The following PCCA variants were observed in gnomAD, a reference collection of about 807,000 sequenced individuals.
PCCA encodes propionyl-CoA carboxylase subunit alpha.
PCCA carries 74 observed loss-of-function variants against 101.3 expected under a neutral mutation model. The ratio of observed to expected loss-of-function variants is 0.73; its 90% CI spans 0.61 to 0.89. The LOEUF (loss-of-function observed/expected upper bound fraction) is 0.89, where lower values mean the gene tolerates loss of function less well. Ranked by LOEUF, PCCA falls within the 40% of genes least tolerant of loss-of-function variation. PCCA has a pLI of 0.00. For missense variants in PCCA, 891 were observed against 907.0 expected (o/e 0.98, Z 0.23); for synonymous variants, 294 against 313.6 (o/e 0.94, Z 0.66).
chr13:100,161,706 C>T (rs995852923), intron 6 of PCCA: 3 of 152,004 alleles, frequency 2.0e-5, no homozygotes, highest in Admixed American at 2.0e-4. Flanking sequence ...TTAGACCTTG[C>T]AAGCCCAGGG....
intron 6 of PCCA, among the ~76,000 whole-genome samples, chr13:100,203,596 G>C (rs897616337): frequency 5.3e-5 from 8 of 152,174 alleles, no homozygotes; most frequent in Admixed American, 3.3e-4. Flanking sequence ...TGGAGGCTGA[G>C]GCAGGAGAAT....
At chr13:100,456,315 T>C (rs1364073174) in intron 21 of PCCA, among the ~76,000 whole-genome samples, 2 of 152,276 alleles carry the variant, frequency 1.3e-5, no homozygotes, top group Non-Finnish European at 2.9e-5. Context: ...TATATGTCAT[T>C]TGGCTTTTCA....
intron 4 of PCCA, among the ~76,000 whole-genome samples, chr13:100,152,885 T>C (rs950556948): frequency 1.6e-4 from 25 of 152,332 alleles, no homozygotes; most frequent in African/African-American, 5.5e-4. Flanking sequence ...AAAATGTCAA[T>C]ACTATTAGGA....
chr13:100,134,525 TG>T (rs2050912275), intron 4 of PCCA, among the ~76,000 whole-genome samples: 1 of 152,210 alleles, frequency 6.6e-6, no homozygotes, highest in African/African-American at 2.4e-5. Flanking sequence ...TCCATGAACA[TG>T]GCATGTCTCT....
intron 1 of PCCA, among the ~76,000 whole-genome samples, chr13:100,095,882 A>C (rs1424536170): frequency 6.6e-6 from 1 of 151,852 alleles, no homozygotes; most frequent in Non-Finnish European, 1.5e-5. Context: ...GTTTGTGACT[A>C]GTACGTAGCG....
At chr13:100,215,067 G>T (rs1594767046) in intron 7 of PCCA, among the ~76,000 whole-genome samples, 1 of 152,132 alleles carries the variant, frequency 6.6e-6, no homozygotes, top group South Asian at 2.1e-4. Context: ...TCAGATTCTT[G>T]AAACTTATGT....
At chr13:100,249,652 T>C (rs530592090) in intron 8 of PCCA, among the ~76,000 whole-genome samples, 91 of 152,348 alleles carry the variant, frequency 6.0e-4, no homozygotes, top group Non-Finnish European at 1.1e-3. Context: ...GTTCAACCTA[T>C]AGATCACGTT....
chr13:100,115,164 C>T (rs904849672), intron 4 of PCCA, among the ~76,000 whole-genome samples: 2 of 151,926 alleles, frequency 1.3e-5, no homozygotes, highest in Admixed American at 1.3e-4. Context: ...TGAAATAAGC[C>T]AGGCACAGAA....
intron 9 of PCCA, among the ~76,000 whole-genome samples, chr13:100,260,992 G>T (rs182706389): frequency 1.6e-3 from 237 of 151,944 alleles, no homozygotes; most frequent in Admixed American, 3.1e-3. Flanking sequence ...TCAGATAGTT[G>T]TTTTTTATAT....
chr13:100,166,082 C>G (rs1341383843), intron 6 of PCCA, among the ~76,000 whole-genome samples: 1 of 152,206 alleles, frequency 6.6e-6, no homozygotes, highest in Non-Finnish European at 1.5e-5. Context: ...TATCCTTCAA[C>G]TCCAAAGACT....
chr13:100,090,396 A>G (rs540191121), intron 1 of PCCA, among the ~76,000 whole-genome samples: 1 of 152,354 alleles, frequency 6.6e-6, no homozygotes, highest in East Asian at 1.9e-4. Flanking sequence ...CTTCAATTGC[A>G]GCTGTAAGAC....
chr13:100,160,569 G>C (rs1449513081), intron 6 of PCCA: 1 of 151,566 alleles, frequency 6.6e-6, no homozygotes, highest in African/African-American at 2.4e-5. Flanking sequence ...AAAAAACAAA[G>C]CTACACATAA....
intron 17 of PCCA, among the ~76,000 whole-genome samples, chr13:100,335,517 A>T (rs2070305946): frequency 6.6e-6 from 1 of 152,188 alleles, no homozygotes; most frequent in African/African-American, 2.4e-5. Context: ...TACCCTGGGA[A>T]ATTCCTAAAG....
At chr13:100,514,033 A>G (rs2086661501) in intron 21 of PCCA, among the ~76,000 whole-genome samples, 1 of 152,198 alleles carries the variant, frequency 6.6e-6, no homozygotes, top group African/African-American at 2.4e-5. Flanking sequence ...CAGAATGTTT[A>G]TTAGACTGAC....
At chr13:100,093,967 G>A (rs1416617741) in intron 1 of PCCA, among the ~76,000 whole-genome samples, 1 of 151,960 alleles carries the variant, frequency 6.6e-6, no homozygotes, top group Non-Finnish European at 1.5e-5. Flanking sequence ...GATGGCTCAT[G>A]CCTGTAATCC....
intron 18 of PCCA, among the ~76,000 whole-genome samples, chr13:100,341,228 G>A (rs911773410): frequency 1.6e-4 from 24 of 152,150 alleles, no homozygotes; most frequent in African/African-American, 5.6e-4. Flanking sequence ...ATGACTGGAC[G>A]GAGGAGGAAA....
At chr13:100,462,527 C>A (rs943368860) in intron 21 of PCCA, among the ~76,000 whole-genome samples, 2 of 152,054 alleles carry the variant, frequency 1.3e-5, no homozygotes, top group Non-Finnish European at 1.5e-5. Context: ...AGTAGCAGAG[C>A]GAATTGTAGA....
Position 100,376,320 on chromosome 13 carries a change from T to C in PCCA, c.1746+7746T>C, listed in dbSNP as rs189793898. On this transcript the variant is annotated intron_variant, in intron 19 of 23. Coordinates refer to ENST00000376285, the MANE Select transcript of PCCA (RefSeq NM_000282.4). ...GGGGGTGTCTCCCAGTCAGGAGGCA[T>C]TGGGGTAAGGGACCCACTTGAGGAG... is the stretch of plus-strand genomic sequence containing the variant. Among the ~76,000 whole-genome samples the C allele has an allele frequency of 2.8e-3, 428 of 152,316 alleles. 2 individuals carry two copies. Among genetic ancestry groups the C allele is most frequent in the Non-Finnish European group, 4.3e-3 (293 of 68,020 alleles).
chr13:100,257,711 G>T (rs1167332232), intron 9 of PCCA, 38 bp downstream of exon 9: 1 of 1,445,304 alleles, frequency 6.9e-7, no homozygotes, highest in Non-Finnish European at 9.7e-7. Context: ...GATGAAAATT[G>T]CAGTTACCAG....
Sources: allele counts gnomAD v4.1 joint callset (sites outside exome capture counted in the v4.1 genomes callset), GRCh38; gene constraint gnomAD v4.1.1; transcripts MANE v1.5; gene names NCBI Gene and HGNC (gene_info 2026-07-23, HGNC 2026-07-21).